The following DPYS variants were observed in gnomAD, a reference collection of about 807,000 sequenced individuals.
DPYS encodes dihydropyrimidine amidohydrolase.
DPYS carries 39 observed loss-of-function variants against 50.3 expected under a neutral mutation model. The ratio of observed to expected loss-of-function variants is 0.78; its 90% CI spans 0.60 to 1.01. The LOEUF is 1.01. Ranked by LOEUF, DPYS falls within the 50% of genes least tolerant of loss-of-function variation. The pLI, the probability that DPYS is intolerant of heterozygous loss-of-function variation, is 0.00. For missense variants in DPYS, 659 were observed against 680.9 expected (o/e 0.97, Z 0.36); for synonymous variants, 245 against 250.7 (o/e 0.98, Z 0.22).
intron 1 of DPYS, among the ~76,000 whole-genome samples, chr8:104,458,467 T>C (rs1039100044): frequency 1.3e-5 from 2 of 152,170 alleles, no homozygotes; most frequent in Non-Finnish European, 2.9e-5. Flanking sequence ...GTCCAAGCAA[T>C]TCTTAGCCCT....
chr8:104,451,898 G>A (rs1163122878), intron 1 of DPYS, among the ~76,000 whole-genome samples: 2 of 152,040 alleles, frequency 1.3e-5, no homozygotes, highest in Non-Finnish European at 2.9e-5. Flanking sequence ...ATCTTTCTTA[G>A]ATTTGCACCT....
chr8:104,383,190 A>T (rs115582212), intron 8 of DPYS, among the ~76,000 whole-genome samples: 1,590 of 152,212 alleles, frequency 0.01, 42 homozygotes, highest in African/African-American at 0.036. Context: ...GGCACATCAG[A>T]ATCCTTCCTG....
chr8:104,392,561 C>T (rs573296817), intron 8 of DPYS, among the ~76,000 whole-genome samples: 2 of 152,228 alleles, frequency 1.3e-5, no homozygotes, highest in Admixed American at 6.5e-5. Context: ...ATCTGGAAAT[C>T]CCGAACTGAC....
chr8:104,436,961 G>A (rs1044813772), intron 4 of DPYS, among the ~76,000 whole-genome samples: 2 of 151,540 alleles, frequency 1.3e-5, no homozygotes, highest in African/African-American at 2.4e-5. Context: ...GAACAAGAAC[G>A]TTTTCTTGGA....
chr8:104,409,204 G>C (rs1224132883), intron 7 of DPYS, among the ~76,000 whole-genome samples: 1 of 151,940 alleles, frequency 6.6e-6, no homozygotes, highest in Non-Finnish European at 1.5e-5. Flanking sequence ...AATGTGCAGG[G>C]CCGGGCACAG....
At chr8:104,383,882 G>C (rs1385438198) in intron 8 of DPYS, among the ~76,000 whole-genome samples, 1 of 152,038 alleles carries the variant, frequency 6.6e-6, no homozygotes, top group African/African-American at 2.4e-5. Flanking sequence ...GATTACAGGC[G>C]TGAGCCACTG....
rs1261937729 is a variant in DPYS at position 104,429,561 on chromosome 8, T to C, written c.934A>G (p.Met312Val). The C allele has an allele frequency of 1.9e-6, 3 of 1,614,086 alleles. No homozygotes were observed. In the East Asian group the frequency reaches 6.7e-5, roughly 36 times the overall value. ...RPDPSTPDFL[M>V]NLLANDDLTT... ...AATGATTACTTAGCCAACAGATTCA[T>C]GAGGAAGTCGGGTGTTGAGGGGTCT... The change falls in exon 5 of 10, where the codon ATG (methionine) becomes GTG (valine). Residue 312 changes from methionine (M) to valine (V), a missense_variant. Transcript: ENST00000351513.
intron 7 of DPYS, among the ~76,000 whole-genome samples, chr8:104,402,641 T>C (rs1295712982): frequency 6.6e-6 from 1 of 152,214 alleles, no homozygotes; most frequent in Non-Finnish European, 1.5e-5. Context: ...GGAAAAGATG[T>C]CAGTTTCCTA....
chr8:104,421,039 G>A (rs984686748), intron 7 of DPYS: 2 of 152,190 alleles, frequency 1.3e-5, no homozygotes, highest in African/African-American at 4.8e-5. Context: ...ACATATGAAA[G>A]AGTGGATTTT....
chr8:104,389,877 AC>A (rs947608566), intron 8 of DPYS, among the ~76,000 whole-genome samples: 1 of 152,238 alleles, frequency 6.6e-6, no homozygotes, highest in Non-Finnish European at 1.5e-5. Flanking sequence ...ATACTAAGAA[AC>A]TAAAATAATT....
In DPYS at chr8:104,466,988, G is replaced by C; in HGVS notation, c.-68C>G. 4.4e-6 allele frequency: 6 copies of C among 1,359,752 alleles called. No individual in the cohort carries two copies. The highest frequency in any genetic ancestry group is 5.6e-6 in the Non-Finnish European group (6 of 1,062,632). 84.2% of individuals were successfully genotyped at this position (1,359,752 alleles called of 1,614,324 possible). A position where few individuals can be genotyped will look rare whatever the true frequency, so the allele number is the denominator to read the frequency against. ...AGGGGCTGGGTTGGGCGGGCCGGGC[G>C]GGCTTGGGGTGCCCTCCTGCAAGGT... On this transcript the variant is annotated 5_prime_UTR_variant, in exon 1 of 10. Coordinates refer to ENST00000351513, the MANE Select transcript of DPYS (RefSeq NM_001385.3).
chr8:104,404,813 A>C (rs1811938743), intron 7 of DPYS, among the ~76,000 whole-genome samples: 1 of 152,278 alleles, frequency 6.6e-6, no homozygotes. Context: ...TTTGCACTAC[A>C]ACAGCAGAGT....
At chr8:104,459,039 C>G (rs1009775880) in intron 1 of DPYS, among the ~76,000 whole-genome samples, 4 of 152,220 alleles carry the variant, frequency 2.6e-5, no homozygotes, top group African/African-American at 9.6e-5. Flanking sequence ...CCATGACTAT[C>G]ACTATATAAT....
At chr8:104,382,106 A>G (rs1292713877) in intron 8 of DPYS, among the ~76,000 whole-genome samples, 1 of 152,224 alleles carries the variant, frequency 6.6e-6, no homozygotes, top group East Asian at 1.9e-4. Context: ...CAGATAGTGG[A>G]GAATTTCCAG....
chr8:104,380,339 T>C (rs556505669), intron 9 of DPYS, among the ~76,000 whole-genome samples: 1 of 152,328 alleles, frequency 6.6e-6, no homozygotes, highest in South Asian at 2.1e-4. Flanking sequence ...TAGGTCAACC[T>C]CTGGGGTTAA....
intron 2 of DPYS, among the ~76,000 whole-genome samples, chr8:104,449,568 C>T (rs546754110): frequency 3.0e-4 from 46 of 152,338 alleles, no homozygotes; most frequent in Middle Eastern, 3.4e-3. Context: ...GTCCTAACCC[C>T]TTGTTTGGAA....
chr8:104,460,366 T>A (rs1814080973), intron 1 of DPYS, among the ~76,000 whole-genome samples: 1 of 151,976 alleles, frequency 6.6e-6, no homozygotes, highest in Admixed American at 6.6e-5. Flanking sequence ...GGTGCAGCAC[T>A]TCCCCCTTTG....
chr8:104,439,741 T>C (rs375031020), intron 4 of DPYS, among the ~76,000 whole-genome samples: 9 of 152,184 alleles, frequency 5.9e-5, no homozygotes, highest in African/African-American at 2.2e-4. Context: ...GCTAAGACTG[T>C]GCTACTGCAC....
intron 4 of DPYS, among the ~76,000 whole-genome samples, chr8:104,433,651 A>G (rs1337531342): frequency 6.6e-6 from 1 of 152,202 alleles, no homozygotes; most frequent in Non-Finnish European, 1.5e-5. Context: ...AAGAGAAGAA[A>G]GGAAACTTGA....
Sources: gnomAD v4.1 joint callset for allele counts (sites outside exome capture counted in the v4.1 genomes callset) on GRCh38, gnomAD v4.1.1 for gene constraint, MANE v1.5 for transcripts, NCBI Gene and HGNC (gene_info 2026-07-23, HGNC 2026-07-21) for gene names.